Variants in DISP1 observed in about 807,000 individuals in gnomAD.
The protein encoded by DISP1 is protein dispatched homolog 1.
A neutral mutation model predicts 37.3 loss-of-function variants in DISP1; 30 were observed. The observed-to-expected ratio is 0.80, with a 90% CI of 0.60 to 1.09. DISP1 has a LOEUF of 1.09. Among genes scored for constraint, DISP1 ranks in the 50% least tolerant of loss-of-function variants. The pLI, the probability that DISP1 is intolerant of heterozygous loss-of-function variation, is 0.00. For missense variants in DISP1, 1,598 were observed against 1,879.5 expected (o/e 0.85, Z 2.77); for synonymous variants, 634 against 690.2 (o/e 0.92, Z 1.28).
At position 222,851,176 on chromosome 1, in the gene DISP1, C is replaced by T. The variant is rs375579119; in HGVS notation, c.-159+36098C>T. On this transcript the variant is annotated intron_variant, in intron 1 of 8. Transcript: ENST00000675850. ...CCGCCTCCTGGGTTCCAGTGATTCT[C>T]CTGCCTCAGTCTCCCAAGTAGCTGG... Among the ~76,000 whole-genome samples, 5 of 151,116 alleles carry T rather than the reference C, an allele frequency of 3.3e-5. No homozygotes were observed. In the South Asian group the frequency reaches 8.4e-4, roughly 25 times the overall value.
At chr1:222,829,079 C>T (rs1269097031) in intron 1 of DISP1, among the ~76,000 whole-genome samples, 1 of 152,164 alleles carries the variant, frequency 6.6e-6, no homozygotes, top group Non-Finnish European at 1.5e-5. Flanking sequence ...GAAGAAGCAA[C>T]AGAGGACTTC....
chr1:222,938,943 A>AT (rs548826159), intron 2 of DISP1, among the ~76,000 whole-genome samples: 275 of 151,810 alleles, frequency 1.8e-3, no homozygotes, highest in Non-Finnish European at 3.4e-3. Context: ...TTCATAAAAT[A>AT]TTTTTTCTGT....
intron 1 of DISP1, among the ~76,000 whole-genome samples, chr1:222,904,452 TA>T (rs1340478296): frequency 2.0e-5 from 3 of 152,108 alleles, no homozygotes; most frequent in African/African-American, 7.2e-5. Context: ...TTCATGATGT[TA>T]AAAAGAGACT....
chr1:222,932,789 G>A (rs1673485140), intron 2 of DISP1, among the ~76,000 whole-genome samples: 1 of 151,864 alleles, frequency 6.6e-6, no homozygotes, highest in African/African-American at 2.4e-5. Context: ...AATTTTTGTG[G>A]ATGAACCTGG....
chr1:222,836,166 GA>G (rs113668018), intron 1 of DISP1, among the ~76,000 whole-genome samples: 10 of 152,150 alleles, frequency 6.6e-5, no homozygotes, highest in African/African-American at 1.2e-4. Context: ...TAACTGGGGG[GA>G]AAAAACAGCC....
At chr1:222,964,297 CA>C (rs11434945) in intron 3 of DISP1, among the ~76,000 whole-genome samples, 50 of 138,996 alleles carry the variant, frequency 3.6e-4, no homozygotes, top group African/African-American at 7.8e-4. Context: ...GACTCTATCT[CA>C]AAAAAAAAAA....
chr1:222,875,830 T>TAA (rs3028391), intron 1 of DISP1, among the ~76,000 whole-genome samples: 10 of 132,392 alleles, frequency 7.6e-5, no homozygotes, highest in African/African-American at 2.3e-4. Flanking sequence ...CACATCTCAA[T>TAA]AAAAAAAAAA....
chr1:222,898,438 A>G (rs1671395720), intron 1 of DISP1, among the ~76,000 whole-genome samples: 2 of 151,700 alleles, frequency 1.3e-5, no homozygotes, highest in African/African-American at 4.8e-5. Context: ...AACTCTTGAA[A>G]CTCTTCCTGC....
intron 2 of DISP1, among the ~76,000 whole-genome samples, chr1:222,929,438 A>C (rs1257879169): frequency 6.6e-6 from 1 of 152,140 alleles, no homozygotes; most frequent in Non-Finnish European, 1.5e-5. Context: ...CTGACCATAA[A>C]TGCCTTTATT....
intron 1 of DISP1, among the ~76,000 whole-genome samples, chr1:222,822,078 C>T (rs1379070366): frequency 6.6e-6 from 1 of 152,138 alleles, no homozygotes; most frequent in African/African-American, 2.4e-5. Context: ...TACCCAGTCT[C>T]AGGTAGTATC....
intron 3 of DISP1, chr1:222,979,544 C>G (rs899177859): frequency 6.4e-6 from 3 of 465,470 alleles, no homozygotes; most frequent in African/African-American, 2.0e-5. Flanking sequence ...TGAATTATAT[C>G]TCAATAAAAC....
intron 1 of DISP1, among the ~76,000 whole-genome samples, chr1:222,916,093 C>T (rs17163573): frequency 0.068 from 10,387 of 152,164 alleles, 504 homozygotes; most frequent in East Asian, 0.25. Context: ...TGTAATGATC[C>T]TGGCTTGAGT....
intron 1 of DISP1, among the ~76,000 whole-genome samples, chr1:222,816,123 G>T (rs1212116007): frequency 1.3e-5 from 2 of 149,254 alleles, no homozygotes; most frequent in Non-Finnish European, 3.0e-5. Context: ...CATTGTCAGT[G>T]TTTTTTAAAA....
chr1:222,853,751 A>G (rs1484535258), intron 1 of DISP1, among the ~76,000 whole-genome samples: 2 of 152,140 alleles, frequency 1.3e-5, no homozygotes, highest in African/African-American at 4.8e-5. Context: ...GGTAGGGGAA[A>G]GGGAGGGATA....
intron 2 of DISP1, among the ~76,000 whole-genome samples, chr1:222,938,760 A>AAAGGAAGG (rs71564727): frequency 0.026 from 2,694 of 104,142 alleles, 96 homozygotes; most frequent in South Asian, 0.068. Flanking sequence ...AAAAAAAAAA[A>AAAGGAAGG]AAGGAAGGAA....
intron 3 of DISP1, among the ~76,000 whole-genome samples, chr1:222,944,879 A>G (rs1413786179): frequency 2.0e-5 from 3 of 152,216 alleles, no homozygotes; most frequent in Non-Finnish European, 4.4e-5. Context: ...CTGATTAAAG[A>G]GTCAGGGCTG....
At chr1:222,825,553 T>A (rs1318663501) in intron 1 of DISP1, among the ~76,000 whole-genome samples, 1 of 146,710 alleles carries the variant, frequency 6.8e-6, no homozygotes, top group African/African-American at 2.5e-5. Context: ...CAGGCTAGAG[T>A]GCAGTGGCAC....
intron 2 of DISP1, among the ~76,000 whole-genome samples, chr1:222,939,053 CAT>C (rs1363310728): frequency 5.9e-5 from 9 of 152,272 alleles, no homozygotes; most frequent in African/African-American, 1.9e-4. Context: ...AGAGAACACT[CAT>C]GTGACTTGCT....
At chr1:222,855,902 C>CA (rs35483623) in intron 1 of DISP1, among the ~76,000 whole-genome samples, 64,981 of 138,138 alleles carry the variant, frequency 0.47, 14,526 homozygotes, top group Middle Eastern at 0.55. Context: ...TCTCCAGTTT[C>CA]AAAAAAAAAA....
Sources: gnomAD v4.1 joint callset for allele counts (sites outside exome capture counted in the v4.1 genomes callset) on GRCh38, gnomAD v4.1.1 for gene constraint, MANE v1.5 for transcripts, NCBI Gene and HGNC (gene_info 2026-07-23, HGNC 2026-07-21) for gene names.